GABRB1: variants seen among roughly 807,000 people sequenced by gnomAD.
GABRB1 encodes gamma-aminobutyric acid receptor subunit beta-1.
Under a neutral mutation model 51.6 loss-of-function variants are expected in GABRB1, and 17 were observed. The ratio of observed to expected loss-of-function variants is 0.33; its 90% CI spans 0.23 to 0.49. GABRB1 has a LOEUF of 0.49. Ranked by LOEUF, GABRB1 falls within the 20% of genes least tolerant of loss-of-function variation. The pLI is 0.99. For missense variants in GABRB1, 410 were observed against 600.6 expected, an observed-to-expected ratio of 0.68 and a Z score of 3.32; for synonymous variants, 247 against 218.9, an observed-to-expected ratio of 1.13 and a Z score of -1.14.
rs1035062050 is a variant in GABRB1 at position 47,185,562 on chromosome 4, TA to T, written c.461+24101del. 4.0e-5 allele frequency among the ~76,000 whole-genome samples: 6 copies of T among 151,548 alleles called. No individual in the cohort carries two copies. The East Asian group carries it at 9.7e-4, about 25-fold the overall frequency. The stretch of plus-strand genomic sequence containing the variant: ...CATCCACTGCTCACCCACCTTGTTG[TA>T]AAAAAAATGGTATGGTGTATTATCA... On this transcript the variant is annotated intron_variant, in intron 4 of 8. Coordinates refer to ENST00000295454, the MANE Select transcript of GABRB1 (RefSeq NM_000812.4).
At chr4:47,087,075 C>A (rs984707115) in intron 3 of GABRB1, among the ~76,000 whole-genome samples, 18 of 152,292 alleles carry the variant, frequency 1.2e-4, no homozygotes, top group Middle Eastern at 3.4e-3. Flanking sequence ...CAAAATGCTT[C>A]GTGGATTTCC....
intron 3 of GABRB1, among the ~76,000 whole-genome samples, chr4:47,110,528 A>G (rs1715172984): frequency 6.6e-6 from 1 of 152,190 alleles, no homozygotes; most frequent in Non-Finnish European, 1.5e-5. Context: ...TCAAAAAGCT[A>G]TTTTAATTAA....
chr4:47,274,118 T>G (rs994016334), intron 4 of GABRB1, among the ~76,000 whole-genome samples: 1 of 152,122 alleles, frequency 6.6e-6, no homozygotes, highest in African/African-American at 2.4e-5. Flanking sequence ...TCTCAACTCT[T>G]AAAGCAAGAA....
chr4:47,141,058 T>C (rs1410160243), intron 3 of GABRB1, among the ~76,000 whole-genome samples: 1 of 151,796 alleles, frequency 6.6e-6, no homozygotes, highest in Non-Finnish European at 1.5e-5. Flanking sequence ...ACAGGATGGG[T>C]ACCCATCAGT....
intron 3 of GABRB1, among the ~76,000 whole-genome samples, chr4:47,098,581 C>T (rs1205534257): frequency 6.6e-6 from 1 of 152,138 alleles, no homozygotes. Context: ...TTAAATTTCA[C>T]AGTATCCAGT....
chr4:47,009,466 C>A (rs1379202432), intron 1 of GABRB1, among the ~76,000 whole-genome samples: 3 of 152,004 alleles, frequency 2.0e-5, no homozygotes, highest in African/African-American at 7.3e-5. Context: ...CACTATCTAC[C>A]AAGTTTAATG....
At chr4:47,121,159 C>T (rs1034347389) in intron 3 of GABRB1, among the ~76,000 whole-genome samples, 4 of 152,280 alleles carry the variant, frequency 2.6e-5, no homozygotes, top group African/African-American at 4.8e-5. Context: ...TAAACTCAGG[C>T]TCTGACCACT....
At chr4:47,235,589 A>G (rs1721303912) in intron 4 of GABRB1, among the ~76,000 whole-genome samples, 1 of 151,532 alleles carries the variant, frequency 6.6e-6, no homozygotes, top group African/African-American at 2.4e-5. Flanking sequence ...ATAGCATTTT[A>G]TATCTAGAAA....
chr4:47,259,710 AC>A (rs781707505), intron 4 of GABRB1, among the ~76,000 whole-genome samples: 1 of 152,130 alleles, frequency 6.6e-6, no homozygotes, highest in Non-Finnish European at 1.5e-5. Context: ...TTCCAGAATA[AC>A]CTTGGGTTTT....
At chr4:47,271,846 G>A (rs916296951) in intron 4 of GABRB1, among the ~76,000 whole-genome samples, 14 of 152,114 alleles carry the variant, frequency 9.2e-5, no homozygotes, top group African/African-American at 3.4e-4. Flanking sequence ...GTCTCACAAT[G>A]TTCCAGTGAT....
At position 47,186,217 on chromosome 4, in the gene GABRB1, G is replaced by A. The variant is rs190160166; in HGVS notation, c.461+24748G>A. Among the ~76,000 whole-genome samples the A allele has an allele frequency of 3.6e-4, 54 of 151,022 alleles. 1 individual carries two copies. In the East Asian group the frequency reaches 8.2e-3, roughly 23 times the overall value. On this transcript the variant is annotated intron_variant, in intron 4 of 8. Transcript: ENST00000295454. ...TCATAAAGTCAAGGCATGAATTGGT[G>A]GGGGGGCGGGGGGTAAGTCCTGATC...
At chr4:47,413,507 A>G (rs938945969) in intron 8 of GABRB1, among the ~76,000 whole-genome samples, 2 of 152,238 alleles carry the variant, frequency 1.3e-5, no homozygotes, top group Non-Finnish European at 1.5e-5. Flanking sequence ...GCTACCTGCT[A>G]GTTAAACTCA....
intron 8 of GABRB1, among the ~76,000 whole-genome samples, chr4:47,409,380 G>A (rs4301082): frequency 0.076 from 11,496 of 152,194 alleles, 1,134 homozygotes; most frequent in East Asian, 0.42. Context: ...GAGATGAATG[G>A]GGAGCTGGAA....
chr4:47,034,184 C>G (rs1725454756), intron 3 of GABRB1, among the ~76,000 whole-genome samples: 1 of 152,082 alleles, frequency 6.6e-6, no homozygotes, highest in African/African-American at 2.4e-5. Flanking sequence ...TTTGTTCTAC[C>G]TTGCCGTGTA....
chr4:47,004,382 T>G (rs13139021), intron 1 of GABRB1, among the ~76,000 whole-genome samples: 1 of 151,984 alleles, frequency 6.6e-6, no homozygotes, highest in Admixed American at 6.6e-5. Flanking sequence ...GAGACACTTA[T>G]GTCAAGATTA....
At chr4:47,002,252 C>T (rs1221256578) in intron 1 of GABRB1, among the ~76,000 whole-genome samples, 1 of 152,164 alleles carries the variant, frequency 6.6e-6, no homozygotes, top group African/African-American at 2.4e-5. Flanking sequence ...AAAATATCAA[C>T]ATTTACTTTA....
chr4:47,116,341 T>C lies in GABRB1; in HGVS notation c.241-44908T>C, dbSNP rs115538274. Among the ~76,000 whole-genome samples the C allele has an allele frequency of 7.2e-3, 1,099 of 152,322 alleles. 21 individuals carry two copies. The highest frequency in any genetic ancestry group is 0.011 in the Non-Finnish European group (737 of 68,006). ...TTGGCTCCCTGCAGATAGCCCTTAA[T>C]ATGTGATATCATTCACTTACAAAGT... is the stretch of plus-strand genomic sequence containing the variant. On this transcript the variant is annotated intron_variant, in intron 3 of 8. Transcript: ENST00000295454.
chr4:47,116,412 T>C (rs566275063), intron 3 of GABRB1, among the ~76,000 whole-genome samples: 2 of 152,318 alleles, frequency 1.3e-5, no homozygotes, highest in East Asian at 3.9e-4. Context: ...GGCAAAGATG[T>C]GTAAAAACCA....
At chr4:47,083,597 C>G (rs2054153703) in intron 3 of GABRB1, among the ~76,000 whole-genome samples, 1 of 152,086 alleles carries the variant, frequency 6.6e-6, no homozygotes, top group African/African-American at 2.4e-5. Flanking sequence ...AGTAACTAAA[C>G]TGGGGTAATA....
Sources: gnomAD v4.1 joint callset for allele counts (sites outside exome capture counted in the v4.1 genomes callset) on GRCh38, gnomAD v4.1.1 for gene constraint, MANE v1.5 for transcripts, NCBI Gene and HGNC (gene_info 2026-07-23, HGNC 2026-07-21) for gene names.